The following B4GALNT3 variants were observed in gnomAD, a reference collection of about 807,000 sequenced individuals.
B4GALNT3 encodes the protein beta-1,4-N-acetyl-galactosaminyltransferase 3.
B4GALNT3 carries 86 observed loss-of-function variants against 120.2 expected under a neutral mutation model. The ratio of observed to expected loss-of-function variants is 0.72; its 90% CI spans 0.60 to 0.86. B4GALNT3 has a LOEUF of 0.86. Among genes scored for constraint, B4GALNT3 ranks in the 40% least tolerant of loss-of-function variants. The pLI is 0.00. For missense variants in B4GALNT3, 1,167 were observed against 1,298.9 expected (o/e 0.90, Z 1.56); for synonymous variants, 518 against 510.4 (o/e 1.01, Z -0.20).
In B4GALNT3 at chr12:534,491, C is replaced by A. The variant is rs568053015; in HGVS notation, c.170-675C>A. 5.3e-5 allele frequency among the ~76,000 whole-genome samples: 8 copies of A among 152,302 alleles called. No homozygotes were observed. In the East Asian group the frequency reaches 1.5e-3, roughly 29 times the overall value. ...TTTCCTGTTCCCTCCCTCCCTCTCG[C>A]CATGGTTTGGCTTTTTGCCTTCCCA... On this transcript the variant is annotated intron_variant, in intron 1 of 19. Transcript: ENST00000266383.
intron 1 of B4GALNT3, among the ~76,000 whole-genome samples, chr12:491,150 T>A (rs1048588519): frequency 1.1e-4 from 16 of 152,148 alleles, no homozygotes; most frequent in African/African-American, 3.4e-4. Flanking sequence ...GCAAATTGAA[T>A]CCAACATGTG....
rs1180703788 is a variant in B4GALNT3 at position 511,792 on chromosome 12, CCTTCCACCTT to C, written c.170-23352_170-23343del. ...ACCTTCCACCTTCTTCCACCTTCCACCTTCCACCTTCTTCCACCTTCTTCCACCTTCCACC... is the reference window on the plus strand; with the variant it reads ...ACCTTCCACCTTCTTCCACCTTCCACCTTCCACCTTCTTCCACCTTCCACC... On this transcript the variant is annotated intron_variant, in intron 1 of 19. Coordinates refer to ENST00000266383, the MANE Select transcript of B4GALNT3 (RefSeq NM_173593.4). 6.4e-3 allele frequency among the ~76,000 whole-genome samples: 456 copies of C among 71,656 alleles called. 4 individuals carry two copies. Among genetic ancestry groups the C allele is most frequent in the Admixed American group, 0.021 (148 of 6,916 alleles). 47.0% of individuals were successfully genotyped at this position (71,656 alleles called of 152,430 possible). A position where few individuals can be genotyped will look rare whatever the true frequency, so the allele number is the denominator to read the frequency against.
intron 1 of B4GALNT3, among the ~76,000 whole-genome samples, chr12:476,920 A>G (rs986863863): frequency 2.0e-5 from 3 of 152,208 alleles, no homozygotes; most frequent in Non-Finnish European, 4.4e-5. Flanking sequence ...GACATCTCCA[A>G]TAGAACATGA....
intron 1 of B4GALNT3, among the ~76,000 whole-genome samples, chr12:467,273 A>G (rs1227681399): frequency 1.3e-5 from 2 of 152,160 alleles, no homozygotes; most frequent in African/African-American, 4.8e-5. Flanking sequence ...GATAAAAATA[A>G]TGCAGCCAGG....
chr12:476,776 A>G (rs945686399), intron 1 of B4GALNT3, among the ~76,000 whole-genome samples: 7 of 152,228 alleles, frequency 4.6e-5, no homozygotes, highest in Admixed American at 1.3e-4. Flanking sequence ...TGACTTTCAC[A>G]TATCAAAGAA....
At chr12:538,625 T>A (rs1946885439) in intron 3 of B4GALNT3, among the ~76,000 whole-genome samples, 1 of 151,230 alleles carries the variant, frequency 6.6e-6, no homozygotes, top group Non-Finnish European at 1.5e-5. Flanking sequence ...CTTTTGGTGG[T>A]AAATGACTGA....
At chr12:554,706 C>T (rs1029210333) in intron 14 of B4GALNT3, among the ~76,000 whole-genome samples, 25 of 133,900 alleles carry the variant, frequency 1.9e-4, no homozygotes, top group African/African-American at 5.5e-4. Context: ...AGGAGAATGG[C>T]GTGAACCCGG....
chr12:561,330 T>TCTC lies in B4GALNT3; in HGVS notation c.2889-5_2889-3dup. ...GTGCTTCTGTTGGCTCATCTGTGTT[T>TCTC]CTCCTCCTCCAGGATACTCCAAGCG... On this transcript the variant is annotated splice_polypyrimidine_tract_variant and intron_variant, in intron 19 of 19. Coordinates refer to ENST00000266383, the MANE Select transcript of B4GALNT3 (RefSeq NM_173593.4). 4.4e-6 allele frequency: 7 copies of TCTC among 1,605,570 alleles called. No individual in the cohort carries two copies. Among genetic ancestry groups the TCTC allele is most frequent in the Non-Finnish European group, 6.0e-6 (7 of 1,172,598 alleles).
At chr12:530,641 T>G (rs1056847848) in intron 1 of B4GALNT3, among the ~76,000 whole-genome samples, 3 of 152,244 alleles carry the variant, frequency 2.0e-5, no homozygotes, top group African/African-American at 7.2e-5. Context: ...CGGATGACTT[T>G]GCCTTTCTGT....
intron 1 of B4GALNT3, among the ~76,000 whole-genome samples, chr12:514,224 G>T (rs1946627434): frequency 1.4e-5 from 2 of 143,492 alleles, no homozygotes; most frequent in Non-Finnish European, 3.0e-5. Flanking sequence ...TTGAGACGGA[G>T]TCTCGCTCTG....
In B4GALNT3 at chr12:550,978, C is replaced by T. The variant is rs1230914023; in HGVS notation, c.1054C>T (p.Pro352Ser). Reference sequence around the variant, plus strand: ...CGTCCTGCCTGACTGTCCCTACAAACCCAGCTATCTGGTGGATGGGCTTCC... The same window carrying T: ...CGTCCTGCCTGACTGTCCCTACAAATCCAGCTATCTGGTGGATGGGCTTCC... ...RHVLPDCPYK[P>S]SYLVDGLPLQ... Residue 352 changes from proline (P) to serine (S), a missense_variant, in exon 11 of 20, where the codon CCC becomes TCC. By Grantham distance (74) the Pro-to-Ser change is moderately conservative. This residue lies in a region of B4GALNT3 where 983 missense variants were observed against 1,102.5 expected (regional missense o/e 0.89). Transcript: ENST00000266383. This position sits in a 1 kb window ranked among gnomAD's most constrained non-coding sequence, Gnocchi z 4.1. 1.2e-6 allele frequency: 2 copies of T among 1,614,174 alleles called. No individual in the cohort carries two copies. Among genetic ancestry groups the T allele is most frequent in the South Asian group, 1.1e-5 (1 of 91,084 alleles).
chr12:510,402 C>G (rs1203399119), intron 1 of B4GALNT3, among the ~76,000 whole-genome samples: 1 of 138,488 alleles, frequency 7.2e-6, no homozygotes. Context: ...GGGCTAGCAG[C>G]TCCCCCGATC....
chr12:539,181 G>A (rs778743551), intron 3 of B4GALNT3, among the ~76,000 whole-genome samples: 2 of 152,194 alleles, frequency 1.3e-5, no homozygotes, highest in Non-Finnish European at 2.9e-5. Context: ...TGGTGCACCA[G>A]AGGCTGACTG....
rs1254866940 is a variant in B4GALNT3, at chr12:550,430, A to G, written c.998-492A>G. Among the ~76,000 whole-genome samples, 4 of 152,142 alleles carry G rather than the reference A, an allele frequency of 2.6e-5. No individual in the cohort carries two copies. The highest frequency in any genetic ancestry group is 5.9e-5 in the Non-Finnish European group (4 of 68,020). Reference sequence around the variant, plus strand: ...CTTGAGCCCAGGAGGTTGAGGCTGCAGTGAGCTGTGATTGAACCACTGCAC... The same window carrying G: ...CTTGAGCCCAGGAGGTTGAGGCTGCGGTGAGCTGTGATTGAACCACTGCAC... On this transcript the variant is annotated intron_variant, in intron 10 of 19. Transcript: ENST00000266383. This position sits in a 1 kb window ranked among gnomAD's most constrained non-coding sequence, Gnocchi z 4.1.
At position 553,213 on chromosome 12, in the gene B4GALNT3, A is replaced by G. The variant is rs765291297; in HGVS notation, c.1290A>G (p.Leu430=). The change falls in exon 14 of 20, where the codon CTA becomes CTG. Residue 430 remains leucine, a synonymous_variant. Coordinates refer to ENST00000266383, the MANE Select transcript of B4GALNT3 (RefSeq NM_173593.4). ...TAGCAGGTTTTGAGGAAAACCTTCT[A>G]GAAGAGTCCCAGTATGGGGAAGTGG... ...LEQPGFEENL[L]EESQYGEVAE... 6.2e-6 allele frequency: 10 copies of G among 1,612,980 alleles called. No homozygotes were observed. The Admixed American group carries it at 1.5e-4, about 24-fold the overall frequency.
intron 1 of B4GALNT3, among the ~76,000 whole-genome samples, chr12:482,595 G>T (rs1946252285): frequency 6.6e-6 from 1 of 152,194 alleles, no homozygotes; most frequent in Non-Finnish European, 1.5e-5. Flanking sequence ...TCTGTATTTG[G>T]TAAAGAGAAA....
chr12:495,579 C>A (rs977276555), intron 1 of B4GALNT3, among the ~76,000 whole-genome samples: 6 of 152,160 alleles, frequency 3.9e-5, no homozygotes, highest in African/African-American at 1.4e-4. Flanking sequence ...TTGTGTACAG[C>A]TATGCAGGTT....
chr12:542,348 C>T (rs1203958277), intron 3 of B4GALNT3, among the ~76,000 whole-genome samples: 1 of 151,968 alleles, frequency 6.6e-6, no homozygotes, highest in Non-Finnish European at 1.5e-5. Flanking sequence ...TTATTCCCTG[C>T]CCCCTCCTCT....
chr12:505,521 C>A (rs991894335), intron 1 of B4GALNT3, among the ~76,000 whole-genome samples: 1 of 152,216 alleles, frequency 6.6e-6, no homozygotes, highest in Admixed American at 6.5e-5. Flanking sequence ...TTTGGAGAAA[C>A]CTGAAATCAA....
Sources: gnomAD v4.1 joint callset for allele counts (sites outside exome capture counted in the v4.1 genomes callset) on GRCh38, gnomAD v4.1.1 for gene constraint, gnomAD v4.1.1 regional missense constraint, Gnocchi (gnomAD v3.1) non-coding constraint, MANE v1.5 for transcripts, NCBI Gene and HGNC (gene_info 2026-07-23, HGNC 2026-07-21) for gene names.